Variants in TNK2 observed in about 807,000 individuals in gnomAD.
TNK2 encodes activated CDC42 kinase 1.
In TNK2, 83 loss-of-function variants were observed where a neutral mutation model predicts 101.8. The observed-to-expected ratio is 0.82, with a 90% CI of 0.68 to 0.98. The LOEUF is 0.98. Among genes scored for constraint, TNK2 ranks in the 50% least tolerant of loss-of-function variants. The pLI is 0.00. For synonymous variants in TNK2, 804 were observed against 633.0 expected (o/e 1.27, Z -4.06); for missense variants, 1,665 against 1,483.2 (o/e 1.12, Z -2.01).
At position 195,867,901 on chromosome 3, in the gene TNK2, CAG is replaced by C; in HGVS notation, c.2395_2396del (p.Leu799ValfsTer94). The C allele has an allele frequency of 6.5e-7, 1 of 1,531,590 alleles. No homozygotes were observed. Among genetic ancestry groups the C allele is most frequent in the East Asian group, 2.3e-5 (1 of 43,908 alleles). 94.9% of individuals were successfully genotyped at this position (1,531,590 alleles called of 1,614,324 possible). A position where few individuals can be genotyped will look rare whatever the true frequency, so the allele number is the denominator to read the frequency against. Reference protein sequence around the residue: ...SPPRVPPREPLSPQGSRTPSP... With the variant: ...SPPRVPPREPXSPQGSRTPSP... ...TGGGTGTCCTCGAGCCTTGAGGGGA[CAG>C]GGGCTCCCGCGGAGGCACCCGGGGA... On this transcript the variant is annotated frameshift_variant, in exon 13 of 16. Transcript: ENST00000672887. LOFTEE classifies it high-confidence loss of function.
At chr3:195,872,627 G>A (rs894001916) in intron 9 of TNK2, 157 bp from the exon 10 acceptor site, 28 of 727,574 alleles carry the variant, frequency 3.8e-5, no homozygotes, top group African/African-American at 1.2e-4. Flanking sequence ...AACAGCCCCC[G>A]TGACCCACCA....
chr3:195,872,707 A>C, intron 9 of TNK2: 1 of 511,640 alleles, frequency 2.0e-6, no homozygotes, highest in Non-Finnish European at 3.4e-6. Context: ...AGCTTTCCCT[A>C]TGGTTTGCAA....
intron 10 of TNK2, among the ~76,000 whole-genome samples, chr3:195,871,581 C>A (rs1404635444): frequency 2.0e-5 from 3 of 152,022 alleles, no homozygotes; most frequent in Non-Finnish European, 4.4e-5. Context: ...AAGCTCTCCT[C>A]CTCAGCAGCT....
Position 195,879,184 on chromosome 3 carries a change from G to C in TNK2, c.888-9C>G. 6.2e-7 allele frequency: 1 copy of C among 1,612,948 alleles called. No individual in the cohort carries two copies. The highest frequency in any genetic ancestry group is 8.5e-7 in the Non-Finnish European group (1 of 1,179,964). ...GGCTCTCGGGGGCACACCTGGCAGA[G>C]GCAGGGGTCAAAGAGAAGCCCTCTC... On this transcript the variant is annotated splice_polypyrimidine_tract_variant and intron_variant, in intron 6 of 15. Coordinates refer to ENST00000672887, the MANE Select transcript of TNK2 (RefSeq NM_001382273.1).
At chr3:195,887,532 CATT>C (rs1272158344) in intron 2 of TNK2, among the ~76,000 whole-genome samples, 2 of 152,192 alleles carry the variant, frequency 1.3e-5, no homozygotes, top group African/African-American at 4.8e-5. Context: ...TAACTTGACA[CATT>C]ATTACCTATT....
chr3:195,877,407 C>T (rs960972146), intron 9 of TNK2, among the ~76,000 whole-genome samples: 1 of 152,164 alleles, frequency 6.6e-6, no homozygotes, highest in African/African-American at 2.4e-5. Context: ...AGGATTGCAC[C>T]GAAGGCCGCA....
chr3:195,891,223 A>G (rs1314275221), intron 1 of TNK2, among the ~76,000 whole-genome samples: 1 of 152,218 alleles, frequency 6.6e-6, no homozygotes, highest in African/African-American at 2.4e-5. Flanking sequence ...CCTGACCAAC[A>G]TGGAGAAACC....
intron 10 of TNK2, chr3:195,870,461 G>A (rs939939942): frequency 1.6e-6 from 2 of 1,275,704 alleles, no homozygotes; most frequent in Non-Finnish European, 2.1e-6. Context: ...CCCTACAAGG[G>A]CAGAGGTGGT....
chr3:195,868,811 C>T (rs1742733265), intron 12 of TNK2, 102 bp from the exon 13 acceptor site: 4 of 1,346,704 alleles, frequency 3.0e-6, no homozygotes, highest in Admixed American at 5.8e-5. Flanking sequence ...CCCCCAGCAA[C>T]CCTCCACTCC....
intron 1 of TNK2, among the ~76,000 whole-genome samples, chr3:195,890,300 G>C (rs1375254544): frequency 2.6e-5 from 4 of 152,082 alleles, no homozygotes; most frequent in African/African-American, 9.7e-5. Flanking sequence ...GGTGGTTGGG[G>C]GACAAGAGCG....
chr3:195,899,009 T>A (rs190389389), intron 1 of TNK2, among the ~76,000 whole-genome samples: 1 of 151,478 alleles, frequency 6.6e-6, no homozygotes, highest in South Asian at 2.1e-4. Flanking sequence ...GGCAGGAGAA[T>A]GGCGTGAACC....
intron 6 of TNK2, among the ~76,000 whole-genome samples, chr3:195,879,963 C>T (rs1751470010): frequency 6.6e-6 from 1 of 152,136 alleles, no homozygotes; most frequent in Admixed American, 6.5e-5. Flanking sequence ...TAAATTACTC[C>T]AGGACAACGG....
chr3:195,870,460 G>A (rs1744312329), intron 10 of TNK2: 2 of 1,275,696 alleles, frequency 1.6e-6, no homozygotes, highest in African/African-American at 1.5e-5. Context: ...ACCCTACAAG[G>A]GCAGAGGTGG....
At chr3:195,906,349 C>T (rs543378769) in intron 1 of TNK2, among the ~76,000 whole-genome samples, 1 of 152,332 alleles carries the variant, frequency 6.6e-6, no homozygotes, top group Non-Finnish European at 1.5e-5. Context: ...TAAAAGTGTA[C>T]ATCCACACAA....
At chr3:195,896,080 G>A (rs1440939059) in intron 1 of TNK2, 4 of 455,522 alleles carry the variant, frequency 8.8e-6, no homozygotes, top group Admixed American at 4.7e-5. Flanking sequence ...GGTGACACGA[G>A]GGCCCGGACT....
intron 1 of TNK2, among the ~76,000 whole-genome samples, chr3:195,901,243 G>A (rs1172355804): frequency 6.6e-6 from 1 of 152,236 alleles, no homozygotes; most frequent in East Asian, 1.9e-4. Context: ...AAGGTACCAG[G>A]AAGCTGTCAT....
chr3:195,865,510 A>G (rs1050045052), intron 15 of TNK2, among the ~76,000 whole-genome samples: 1 of 145,556 alleles, frequency 6.9e-6, no homozygotes, highest in Admixed American at 6.9e-5. Flanking sequence ...ACCACCCGAG[A>G]CTGGGACAGA....
rs559512474 is a variant in TNK2, at chr3:195,868,631, C to T, written c.1667G>A (p.Gly556Asp). The T allele has an allele frequency of 5.0e-5, 79 of 1,593,220 alleles. 2 individuals are homozygous for T. In the South Asian group the frequency reaches 7.5e-4, roughly 15 times the overall value. Residue 556 changes from glycine to aspartate, a missense_variant, in exon 13 of 16, where the codon GGC becomes GAC. Around this residue, in one of 3 missense-constraint regions of TNK2, gnomAD observed 1,136 missense variants for 894.9 expected, o/e 1.27. Transcript: ENST00000672887. ...DFKRLGLRKP[G>D]LPRGLWLAKP... The stretch of plus-strand genomic sequence containing the variant: ...CGCCAGCCACAGCCCTCGGGGCAGG[C>T]CTGGCTTCCGCAGGCCCAGCCTCTT...
At chr3:195,884,709 G>T in intron 4 of TNK2, 103 bp downstream of exon 4, 1 of 1,056,586 alleles carries the variant, frequency 9.5e-7, no homozygotes, top group Non-Finnish European at 1.4e-6. Flanking sequence ...GCCACACTGT[G>T]ACGCATCCCC....
Sources: gnomAD v4.1 joint callset for allele counts (sites outside exome capture counted in the v4.1 genomes callset) on GRCh38, gnomAD v4.1.1 for gene constraint, gnomAD v4.1.1 regional missense constraint, MANE v1.5 for transcripts, NCBI Gene and HGNC (gene_info 2026-07-23, HGNC 2026-07-21) for gene names.